PCSK5: variants seen among roughly 807,000 people sequenced by gnomAD.
The protein encoded by PCSK5 is proprotein convertase subtilisin/kexin type 5, also known as prohormone convertase 5.
A neutral mutation model predicts 233.2 loss-of-function variants in PCSK5; 129 were observed. That is an observed-to-expected ratio of 0.55 (90% CI 0.48 to 0.64). PCSK5 has a LOEUF of 0.64. Among genes scored for constraint, PCSK5 ranks in the 30% least tolerant of loss-of-function variants. PCSK5 has a pLI of 0.00. For missense variants in PCSK5, 2,076 were observed against 2,430.1 expected, an observed-to-expected ratio of 0.85 and a Z score of 3.06; for synonymous variants, 825 against 879.2, an observed-to-expected ratio of 0.94 and a Z score of 1.09.
chr9:76,139,468 AGTG>A (rs1823114477), intron 10 of PCSK5, among the ~76,000 whole-genome samples: 1 of 152,088 alleles, frequency 6.6e-6, no homozygotes, highest in South Asian at 2.1e-4. Flanking sequence ...GTTGAAGTGA[AGTG>A]GTACTCATCT....
At chr9:76,284,370 C>T (rs1002837703) in intron 24 of PCSK5, among the ~76,000 whole-genome samples, 1 of 152,098 alleles carries the variant, frequency 6.6e-6, no homozygotes, top group Admixed American at 6.6e-5. Context: ...GAATAAGTTT[C>T]ATGAGATCTG....
chr9:75,902,382 G>C (rs1826082958), intron 1 of PCSK5, among the ~76,000 whole-genome samples: 1 of 152,122 alleles, frequency 6.6e-6, no homozygotes, highest in African/African-American at 2.4e-5. Context: ...CTGTGAGGAA[G>C]GTGGTGGGGC....
chr9:76,103,300 A>G (rs1392337685), intron 8 of PCSK5, among the ~76,000 whole-genome samples: 2 of 152,224 alleles, frequency 1.3e-5, no homozygotes, highest in African/African-American at 4.8e-5. Context: ...TCAACCTAAC[A>G]GACAGTAAAA....
intron 8 of PCSK5, among the ~76,000 whole-genome samples, chr9:76,100,285 G>C (rs915082748): frequency 3.9e-5 from 6 of 152,180 alleles, no homozygotes; most frequent in Admixed American, 1.3e-4. Flanking sequence ...GTTGTATAAC[G>C]AAAGAATTCA....
intron 33 of PCSK5, among the ~76,000 whole-genome samples, chr9:76,331,267 T>C (rs1829526414): frequency 1.3e-5 from 2 of 152,150 alleles, no homozygotes; most frequent in African/African-American, 2.4e-5. Flanking sequence ...TTACTCTACT[T>C]GGTAAAGGAC....
intron 5 of PCSK5, among the ~76,000 whole-genome samples, chr9:76,058,371 TTAAC>T (rs1430851432): frequency 1.3e-5 from 2 of 152,160 alleles, no homozygotes; most frequent in African/African-American, 2.4e-5. Context: ...CTACAGTACT[TTAAC>T]TATATGGGAA....
At chr9:76,278,889 T>C (rs10125154) in intron 24 of PCSK5, among the ~76,000 whole-genome samples, 19,917 of 152,248 alleles carry the variant, frequency 0.13, 1,767 homozygotes, top group African/African-American at 0.25. Flanking sequence ...TACTGCATTT[T>C]GCTTTATTGT....
chr9:76,076,137 A>G (rs1564011588), intron 7 of PCSK5, among the ~76,000 whole-genome samples: 1 of 152,206 alleles, frequency 6.6e-6, no homozygotes. Context: ...GAACTATTAT[A>G]TGCAGAAGGA....
intron 20 of PCSK5, among the ~76,000 whole-genome samples, chr9:76,216,732 A>G (rs1375384212): frequency 1.3e-5 from 2 of 152,240 alleles, no homozygotes; most frequent in African/African-American, 4.8e-5. Context: ...TTGACTTCTT[A>G]AAAGTAATAC....
chr9:76,089,494 C>A (rs1303760230), intron 7 of PCSK5, among the ~76,000 whole-genome samples: 1 of 152,160 alleles, frequency 6.6e-6, no homozygotes, highest in Non-Finnish European at 1.5e-5. Context: ...ATGGAACAAT[C>A]CATTTAGTGC....
chr9:76,318,888 G>A (rs1829109206), intron 30 of PCSK5, among the ~76,000 whole-genome samples: 1 of 151,870 alleles, frequency 6.6e-6, no homozygotes. Flanking sequence ...CTAACAAAAA[G>A]AAAAAAATAA....
At chr9:76,022,549 C>T (rs931010004) in intron 3 of PCSK5, among the ~76,000 whole-genome samples, 16 of 152,076 alleles carry the variant, frequency 1.1e-4, no homozygotes, top group African/African-American at 2.7e-4. Flanking sequence ...GTTCCTCTCC[C>T]GAGTCTTAAG....
chr9:76,290,494 G>T (rs1394739685), intron 24 of PCSK5, among the ~76,000 whole-genome samples: 2 of 152,172 alleles, frequency 1.3e-5, no homozygotes, highest in Non-Finnish European at 2.9e-5. Context: ...TCCTGCAGAA[G>T]GGCCCTTCTA....
At position 76,323,273 on chromosome 9, in the gene PCSK5, A is replaced by G. The variant is rs779319045; in HGVS notation, c.4324A>G (p.Thr1442Ala). 10 of 1,601,732 alleles carry G rather than the reference A, an allele frequency of 6.2e-6. No individual in the cohort carries two copies. Among genetic ancestry groups the G allele is most frequent in the Non-Finnish European group, 8.5e-6 (10 of 1,169,970 alleles). The change falls in exon 32 of 38, where the codon ACT (threonine) becomes GCT (alanine). Residue 1442 changes from threonine (T) to alanine (A), a missense_variant. By Grantham distance (58) the Thr-to-Ala change is moderately conservative. This residue lies in a region of PCSK5 where 1,510 missense variants were observed against 1,538.1 expected (regional missense o/e 0.98). Coordinates refer to ENST00000674117, the MANE Select transcript of PCSK5 (RefSeq NM_001372043.1). ...CPAGTYYEKE[T>A]KECRDCHKSC... ...AGCAGGAACCTATTATGAAAAGGAG[A>G]CTAAGGAGTGCAGAGGTAAAGACTT...
chr9:76,033,451 G>C (rs754273433), intron 5 of PCSK5, among the ~76,000 whole-genome samples: 16 of 151,928 alleles, frequency 1.1e-4, no homozygotes, highest in Non-Finnish European at 2.2e-4. Context: ...TAATACTTTT[G>C]CAAAATAACA....
chr9:76,297,628 C>T (rs999429303), intron 27 of PCSK5, among the ~76,000 whole-genome samples: 9 of 152,194 alleles, frequency 5.9e-5, no homozygotes, highest in Admixed American at 5.9e-4. Flanking sequence ...GGTTAAAAAA[C>T]AAAATCCTCT....
intron 20 of PCSK5, among the ~76,000 whole-genome samples, chr9:76,204,489 C>A (rs1825035265): frequency 6.6e-6 from 1 of 151,634 alleles, no homozygotes; most frequent in Admixed American, 6.6e-5. Flanking sequence ...TCTTTCTCTC[C>A]TCTACTCTCT....
At chr9:75,952,125 T>C (rs949789371) in intron 2 of PCSK5, among the ~76,000 whole-genome samples, 13 of 152,220 alleles carry the variant, frequency 8.5e-5, no homozygotes, top group Admixed American at 8.5e-4. Flanking sequence ...ATCCAGCTAA[T>C]TTTTTGATGC....
chr9:76,211,700 T>C (rs1442183370), intron 20 of PCSK5, among the ~76,000 whole-genome samples: 3 of 152,102 alleles, frequency 2.0e-5, no homozygotes, highest in African/African-American at 7.2e-5. Context: ...ATAAAACAAT[T>C]AGTCAGGCAT....
Sources: gnomAD v4.1 joint callset for allele counts (sites outside exome capture counted in the v4.1 genomes callset) on GRCh38, gnomAD v4.1.1 for gene constraint, gnomAD v4.1.1 regional missense constraint, MANE v1.5 for transcripts, NCBI Gene and HGNC (gene_info 2026-07-23, HGNC 2026-07-21) for gene names.